Variants in CSMD1 observed in about 807,000 individuals in gnomAD.
CSMD1 encodes the protein CUB and Sushi multiple domains 1.
Under a neutral mutation model 417.5 loss-of-function variants are expected in CSMD1, and 213 were observed. That is an observed-to-expected ratio of 0.51 (90% CI 0.46 to 0.57). The LOEUF (loss-of-function observed/expected upper bound fraction) is 0.57, where lower values mean the gene tolerates loss of function less well. Among genes scored for constraint, CSMD1 ranks in the 20% least tolerant of loss-of-function variants. CSMD1 has a pLI of 0.00. For synonymous variants in CSMD1, 2,862 were observed against 1,736.8 expected (o/e 1.65, Z -16.11); for missense variants, 6,923 against 4,529.7 (o/e 1.53, Z -15.17).
At position 4,156,839 on chromosome 8, in the gene CSMD1, C is replaced by T. The variant is rs188705283; in HGVS notation, c.416-124740G>A. ...GCAGCAAGTACTATGAACACAATCA[C>T]AGGGAGGCTTTTTAATTTATCTGAG... On this transcript the variant is annotated intron_variant, in intron 3 of 69. Transcript: ENST00000635120. Among the ~76,000 whole-genome samples the T allele has an allele frequency of 3.2e-4, 49 of 151,770 alleles. 2 individuals are homozygous for T. The East Asian group carries it at 9.3e-3, about 29-fold the overall frequency.
chr8:4,888,644 C>T (rs1489737757), intron 1 of CSMD1, among the ~76,000 whole-genome samples: 2 of 152,046 alleles, frequency 1.3e-5, no homozygotes, highest in Non-Finnish European at 2.9e-5. Context: ...AACAGATCTT[C>T]ACCATAAATA....
intron 2 of CSMD1, among the ~76,000 whole-genome samples, chr8:4,623,463 C>T (rs775009849): frequency 1.3e-5 from 2 of 152,076 alleles, no homozygotes; most frequent in South Asian, 2.1e-4. Flanking sequence ...TACTACCCAC[C>T]CATTCCACTC....
chr8:4,217,772 G>A (rs1012183774), intron 3 of CSMD1, among the ~76,000 whole-genome samples: 1 of 152,078 alleles, frequency 6.6e-6, no homozygotes, highest in Non-Finnish European at 1.5e-5. Flanking sequence ...ATTTAGGGCA[G>A]GATTGTTGGG....
chr8:4,892,542 A>C (rs1471569661), intron 1 of CSMD1, among the ~76,000 whole-genome samples: 1 of 152,140 alleles, frequency 6.6e-6, no homozygotes, highest in African/African-American at 2.4e-5. Context: ...TATTACTTGT[A>C]CTAGCGTTAG....
chr8:3,050,625 G>A (rs560875738), intron 50 of CSMD1, among the ~76,000 whole-genome samples: 9 of 152,102 alleles, frequency 5.9e-5, no homozygotes, highest in Middle Eastern at 3.4e-3. Context: ...TTACTTAATT[G>A]CAATAAAATA....
At chr8:3,157,346 CAGTTTAGGG>C (rs1819599049) in intron 39 of CSMD1, among the ~76,000 whole-genome samples, 2 of 152,266 alleles carry the variant, frequency 1.3e-5, no homozygotes, top group African/African-American at 4.8e-5. Flanking sequence ...CCTATGCTAA[CAGTTTAGGG>C]AGTCTCAAGC....
At chr8:4,183,912 C>T (rs371775699) in intron 3 of CSMD1, among the ~76,000 whole-genome samples, 2 of 152,102 alleles carry the variant, frequency 1.3e-5, no homozygotes, top group African/African-American at 4.8e-5. Flanking sequence ...CAGCTTGGGG[C>T]AGCTACCACA....
chr8:3,316,540 G>GAA (rs1554512576), intron 23 of CSMD1, among the ~76,000 whole-genome samples: 20 of 151,660 alleles, frequency 1.3e-4, no homozygotes, highest in African/African-American at 4.9e-4. Context: ...TTGCGGGAGA[G>GAA]GGTTTGAGCA....
chr8:4,583,264 G>C (rs965373368), intron 2 of CSMD1, among the ~76,000 whole-genome samples: 2 of 152,214 alleles, frequency 1.3e-5, no homozygotes, highest in Non-Finnish European at 2.9e-5. Flanking sequence ...CGTGGTGCGG[G>C]ACCCACCGAG....
chr8:4,732,405 C>T (rs962103416), intron 1 of CSMD1, among the ~76,000 whole-genome samples: 1 of 150,086 alleles, frequency 6.7e-6, no homozygotes, highest in Non-Finnish European at 1.5e-5. Context: ...CTGAGATTCT[C>T]ACTCTGGACA....
chr8:4,043,012 G>A (rs747330876), intron 3 of CSMD1, among the ~76,000 whole-genome samples: 2 of 151,714 alleles, frequency 1.3e-5, no homozygotes, highest in Non-Finnish European at 2.9e-5. Flanking sequence ...TGCACCTGTA[G>A]TCCCAGCTAC....
intron 5 of CSMD1, among the ~76,000 whole-genome samples, chr8:3,814,197 A>C (rs551488290): frequency 4.6e-5 from 7 of 152,294 alleles, no homozygotes. Context: ...AGACACTTTC[A>C]ACATGTTTCC....
At chr8:4,194,487 A>G (rs1484610192) in intron 3 of CSMD1, among the ~76,000 whole-genome samples, 2 of 152,180 alleles carry the variant, frequency 1.3e-5, no homozygotes, top group East Asian at 3.9e-4. Context: ...TTTCTAATAA[A>G]TAGTGATTAT....
Position 3,998,013 on chromosome 8 carries a change from C to A in CSMD1, c.708G>T (p.Trp236Cys), listed in dbSNP as rs756775764. ...SEYENNADCT[W>C]TILAEPGDTI... is the part of the protein sequence containing the mutation. ...TGTCCCCGGGCTCAGCCAGAATGGT[C>A]CAGGTGCAGTCCGCGTTGTTCTCGT... Residue 236 changes from tryptophan to cysteine, a missense_variant, in exon 5 of 70, where the codon TGG becomes TGT. Coordinates refer to ENST00000635120, the MANE Select transcript of CSMD1 (RefSeq NM_033225.6). The A allele has an allele frequency of 1.2e-6, 2 of 1,608,704 alleles. No homozygotes were observed. Among genetic ancestry groups the A allele is most frequent in the African/African-American group, 1.3e-5 (1 of 74,850 alleles).
In CSMD1 at chr8:4,374,859, G is replaced by T. The variant is rs982783836; in HGVS notation, c.415+45094C>A. ...TAGAGTGAATTTAAAGAACCTAGGG[G>T]CTAATTAAACACAGGACATGAAGCT... On this transcript the variant is annotated intron_variant, in intron 3 of 69. Transcript: ENST00000635120. Among the ~76,000 whole-genome samples the T allele has an allele frequency of 3.4e-5, 5 of 148,604 alleles. No individual in the cohort carries two copies. The Admixed American group carries it at 3.5e-4, about 10-fold the overall frequency.
chr8:4,847,957 T>A lies in CSMD1; in HGVS notation c.85+146375A>T, dbSNP rs112790643. 3.6e-3 allele frequency among the ~76,000 whole-genome samples: 541 copies of A among 152,158 alleles called. 9 individuals are homozygous for A. Among genetic ancestry groups the A allele is most frequent in the African/African-American group, 0.012 (510 of 41,510 alleles). Reference sequence around the variant, plus strand: ...ACCCTTTAGCAAGCACCACCCCCCATCCCTTCAAGGCAAACACACACCACC... The same window carrying A: ...ACCCTTTAGCAAGCACCACCCCCCAACCCTTCAAGGCAAACACACACCACC... On this transcript the variant is annotated intron_variant, in intron 1 of 69. Transcript: ENST00000635120.
chr8:3,239,284 C>T (rs974697723), intron 26 of CSMD1, among the ~76,000 whole-genome samples: 10 of 152,050 alleles, frequency 6.6e-5, no homozygotes, highest in East Asian at 1.9e-4. Context: ...TAATAAAGGC[C>T]GGTCTGCTAT....
At position 3,677,542 on chromosome 8, in the gene CSMD1, G is replaced by C. The variant is rs527393732; in HGVS notation, c.1009+30872C>G. 2.0e-5 allele frequency among the ~76,000 whole-genome samples: 3 copies of C among 152,274 alleles called. No individual in the cohort carries two copies. In the East Asian group the frequency reaches 5.8e-4, roughly 29 times the overall value. Reference sequence around the variant, plus strand: ...GGTGTCCCCAGGGTGGCTGGGCTCAGCGAGAGGCACCCAGAAGGGTTTGGA... The same window carrying C: ...GGTGTCCCCAGGGTGGCTGGGCTCACCGAGAGGCACCCAGAAGGGTTTGGA... On this transcript the variant is annotated intron_variant, in intron 7 of 69. Transcript: ENST00000635120.
chr8:3,758,876 A>C (rs1797827432), intron 5 of CSMD1, among the ~76,000 whole-genome samples: 1 of 152,184 alleles, frequency 6.6e-6, no homozygotes, highest in Non-Finnish European at 1.5e-5. Flanking sequence ...GTAATGAAAA[A>C]GATCCTTAAA....
Sources: allele counts gnomAD v4.1 joint callset (sites outside exome capture counted in the v4.1 genomes callset), GRCh38; gene constraint gnomAD v4.1.1; transcripts MANE v1.5; gene names NCBI Gene and HGNC (gene_info 2026-07-23, HGNC 2026-07-21).